The following RPA1 variants were observed in gnomAD, a reference collection of about 807,000 sequenced individuals.
RPA1 encodes the protein replication protein A 70 kDa DNA-binding subunit.
RPA1 carries 49 observed loss-of-function variants against 83.0 expected under a neutral mutation model. That is an observed-to-expected ratio of 0.59 (90% CI 0.47 to 0.75). The LOEUF is 0.75. Ranked by LOEUF, RPA1 falls within the 30% of genes least tolerant of loss-of-function variation. RPA1 has a pLI of 0.00. For missense variants in RPA1, 693 were observed against 776.1 expected (o/e 0.89, Z 1.27); for synonymous variants, 279 against 281.8 (o/e 0.99, Z 0.10).
intron 13 of RPA1, among the ~76,000 whole-genome samples, chr17:1,886,093 T>C (rs1160437362): frequency 6.6e-6 from 1 of 152,072 alleles, no homozygotes; most frequent in Non-Finnish European, 1.5e-5. Flanking sequence ...CATTGAGCTC[T>C]TGTGTGAACA....
chr17:1,893,054 T>C (rs1914259607), intron 15 of RPA1, among the ~76,000 whole-genome samples: 1 of 152,208 alleles, frequency 6.6e-6, no homozygotes, highest in Non-Finnish European at 1.5e-5. Flanking sequence ...TTTCTTTTTC[T>C]TCCTGTCCCC....
intron 5 of RPA1, chr17:1,858,554 C>T: frequency 2.9e-6 from 2 of 678,304 alleles, no homozygotes; most frequent in Admixed American, 2.4e-5. Context: ...GCCTCCGCCT[C>T]CCGGGTTCAA....
intron 5 of RPA1, among the ~76,000 whole-genome samples, chr17:1,866,475 C>T (rs978946220): frequency 2.6e-5 from 4 of 152,064 alleles, no homozygotes; most frequent in Admixed American, 6.5e-5. Context: ...CCACCACGCC[C>T]GGCTAAATTT....
At position 1,888,845 on chromosome 17, in the gene RPA1, C is replaced by G. The variant is rs761370598; in HGVS notation, c.1545C>G (p.Ile515Met). 1.9e-6 allele frequency: 3 copies of G among 1,612,824 alleles called. No individual in the cohort carries two copies. The highest frequency in any genetic ancestry group is 2.7e-5 in the African/African-American group (2 of 75,024). The change falls in exon 14 of 17, where the codon ATC becomes ATG. Residue 515 changes from isoleucine (I) to methionine (M), a missense_variant. Coordinates refer to ENST00000254719, the MANE Select transcript of RPA1 (RefSeq NM_002945.5). Reference protein sequence around the residue: ...TEFPNFKYRMILSVNIADFQE... With the variant: ...TEFPNFKYRMMLSVNIADFQE... Reference sequence around the variant, plus strand: ...TTCCCAATTTCAAGTACCGCATGATCCTGTCAGTAAGTAGCCTCGGTAGAT... The same window carrying G: ...TTCCCAATTTCAAGTACCGCATGATGCTGTCAGTAAGTAGCCTCGGTAGAT...
In RPA1 at chr17:1,866,204, T is replaced by C. The variant is rs140788199; in HGVS notation, c.362-6230T>C. Among the ~76,000 whole-genome samples the C allele has an allele frequency of 3.0e-3, 451 of 152,212 alleles. 1 individual carries two copies. The highest frequency in any genetic ancestry group is 0.011 in the African/African-American group (440 of 41,556). On this transcript the variant is annotated intron_variant, in intron 5 of 16. Coordinates refer to ENST00000254719, the MANE Select transcript of RPA1 (RefSeq NM_002945.5). ...CTGCAGTGAGCCAGGGCTGTGCCAC[T>C]ACACTCCAGCCTGGGTGACAGAGTG...
In RPA1 at chr17:1,842,966, G is replaced by A. The variant is rs1912115525; in HGVS notation, c.84+113G>A. On this transcript the variant is annotated intron_variant, in intron 2 of 16. Coordinates refer to ENST00000254719, the MANE Select transcript of RPA1 (RefSeq NM_002945.5). ...GTCCACTTTCGGAAATTCACCCCCA[G>A]TCACAAAAAATAGGCCAGTCTACAT... 3.6e-6 allele frequency: 4 copies of A among 1,104,066 alleles called. No individual in the cohort carries two copies. In the Admixed American group the frequency reaches 6.1e-5, roughly 17 times the overall value. 68.4% of individuals were successfully genotyped at this position (1,104,066 alleles called of 1,614,324 possible). A position where few individuals can be genotyped will look rare whatever the true frequency, so the allele number is the denominator to read the frequency against.
chr17:1,877,458 T>C (rs1202757859), intron 8 of RPA1, 144 bp downstream of exon 8: 1 of 677,646 alleles, frequency 1.5e-6, no homozygotes, highest in Non-Finnish European at 2.6e-6. Context: ...AACAGAAGGC[T>C]CAGCTCTGCG....
At chr17:1,879,536 T>G in intron 10 of RPA1, 24 bp from the exon 11 acceptor site, 1 of 1,614,146 alleles carries the variant, frequency 6.2e-7, no homozygotes, top group Non-Finnish European at 8.5e-7. Flanking sequence ...GACCACCTCC[T>G]GCTAACACGT....
chr17:1,870,687 G>T (rs1364701440), intron 5 of RPA1, among the ~76,000 whole-genome samples: 2 of 152,178 alleles, frequency 1.3e-5, no homozygotes, highest in Non-Finnish European at 2.9e-5. Flanking sequence ...GAATTTGTCT[G>T]TTAGGTACCT....
chr17:1,831,820 C>G (rs370386682), intron 1 of RPA1, among the ~76,000 whole-genome samples: 3 of 150,494 alleles, frequency 2.0e-5, no homozygotes, highest in East Asian at 2.0e-4. Flanking sequence ...AGGATGGTCT[C>G]GATCTCCTGA....
At chr17:1,854,591 C>A (rs1912618566) in intron 5 of RPA1, among the ~76,000 whole-genome samples, 1 of 151,968 alleles carries the variant, frequency 6.6e-6, no homozygotes, top group Admixed American at 6.6e-5. Context: ...GTAGTCTCAG[C>A]TACTTGGGAG....
At chr17:1,880,083 G>A (rs1041860710) in intron 11 of RPA1, among the ~76,000 whole-genome samples, 1 of 150,102 alleles carries the variant, frequency 6.7e-6, no homozygotes, top group Non-Finnish European at 1.5e-5. Context: ...GTTGGGGGAG[G>A]GAGGGGTCTT....
intron 1 of RPA1, among the ~76,000 whole-genome samples, chr17:1,838,208 G>A (rs1046596316): frequency 6.6e-6 from 1 of 150,962 alleles, no homozygotes; most frequent in Admixed American, 6.6e-5. Context: ...GGAGAATGGC[G>A]TGAACCCGGG....
chr17:1,875,602 C>T, intron 6 of RPA1, 59 bp from the exon 7 acceptor site: 1 of 1,542,320 alleles, frequency 6.5e-7, no homozygotes, highest in Non-Finnish European at 8.7e-7. Context: ...GTAAAGCTTA[C>T]TATAAAAAAG....
chr17:1,869,294 T>C (rs1172141144), intron 5 of RPA1, among the ~76,000 whole-genome samples: 1 of 151,116 alleles, frequency 6.6e-6, no homozygotes, highest in Non-Finnish European at 1.5e-5. Flanking sequence ...CCCAGCACTT[T>C]GGGAGATTGA....
At position 1,842,904 on chromosome 17, in the gene RPA1, A is replaced by C. The variant is rs1416348693; in HGVS notation, c.84+51A>C. 1.9e-6 allele frequency: 3 copies of C among 1,577,532 alleles called. No homozygotes were observed. The African/African-American group carries it at 4.0e-5, about 21-fold the overall frequency. ...CATGTCAACTTCTTTGGAGTCATCG[A>C]ATTACAAGTTACGTTTGATGAAGGA... On this transcript the variant is annotated intron_variant, in intron 2 of 16. Coordinates refer to ENST00000254719, the MANE Select transcript of RPA1 (RefSeq NM_002945.5).
intron 5 of RPA1, among the ~76,000 whole-genome samples, chr17:1,860,217 T>G (rs2151278607): frequency 6.6e-6 from 1 of 152,236 alleles, no homozygotes; most frequent in Admixed American, 6.5e-5. Context: ...TAGTTGGGAC[T>G]GCAGGCTGCA....
At chr17:1,856,059 C>A (rs1373182479) in intron 5 of RPA1, among the ~76,000 whole-genome samples, 6 of 152,042 alleles carry the variant, frequency 3.9e-5, no homozygotes. Context: ...TGCAGTGGCT[C>A]ACACTTGTAA....
intron 12 of RPA1, 121 bp downstream of exon 12, chr17:1,880,812 C>A: frequency 7.3e-7 from 1 of 1,373,590 alleles, no homozygotes; most frequent in Non-Finnish European, 1.0e-6. Flanking sequence ...GTGCAGCTTC[C>A]GTGTTTCTTG....
Sources: allele counts gnomAD v4.1 joint callset (sites outside exome capture counted in the v4.1 genomes callset), GRCh38; gene constraint gnomAD v4.1.1; transcripts MANE v1.5; gene names NCBI Gene and HGNC (gene_info 2026-07-23, HGNC 2026-07-21).